BMPR1B: variants seen among roughly 807,000 people sequenced by gnomAD.
BMPR1B encodes the protein bone morphogenetic protein receptor type 1B.
In BMPR1B, 12 loss-of-function variants were observed where a neutral mutation model predicts 59.1. That is an observed-to-expected ratio of 0.20 (90% CI 0.13 to 0.33). The LOEUF (loss-of-function observed/expected upper bound fraction) is 0.33, where lower values mean the gene tolerates loss of function less well. BMPR1B is among the 10% of genes least tolerant of loss of function. BMPR1B has a pLI of 1.00. For missense variants in BMPR1B, 550 were observed against 610.9 expected (o/e 0.90, Z 1.05); for synonymous variants, 237 against 207.3 (o/e 1.14, Z -1.23).
At chr4:95,116,483 A>C (rs1356563242) in intron 6 of BMPR1B, among the ~76,000 whole-genome samples, 3 of 146,312 alleles carry the variant, frequency 2.1e-5, no homozygotes, top group African/African-American at 7.6e-5. Context: ...GTTGTTGCAG[A>C]GTTTTAAGTC....
intron 8 of BMPR1B, among the ~76,000 whole-genome samples, chr4:95,128,058 A>G (rs1051532328): frequency 2.0e-5 from 3 of 151,776 alleles, no homozygotes; most frequent in Non-Finnish European, 2.9e-5. Flanking sequence ...GCTAATTTTC[A>G]TATTATTTGT....
chr4:95,044,346 G>T (rs1365316841), intron 3 of BMPR1B, among the ~76,000 whole-genome samples: 1 of 152,286 alleles, frequency 6.6e-6, no homozygotes, highest in East Asian at 1.9e-4. Context: ...AGAAAAGTTT[G>T]GCAGGCTCCA....
In BMPR1B at chr4:95,020,784, C is replaced by T. The variant is rs1318385458; in HGVS notation, c.-18+24650C>T. ...TCGTTACTCACTGCAGCCTCCAACT[C>T]CAGCCTTGAACTGCAGCCTGGGCTC... is the stretch of plus-strand genomic sequence containing the variant. On this transcript the variant is annotated intron_variant, in intron 3 of 12. Coordinates refer to ENST00000515059, the MANE Select transcript of BMPR1B (RefSeq NM_001203.3). Among the ~76,000 whole-genome samples the T allele has an allele frequency of 3.9e-5, 6 of 152,252 alleles. No homozygotes were observed. The South Asian group carries it at 1.2e-3, about 32-fold the overall frequency.
chr4:95,150,624 C>T (rs1279271651), intron 11 of BMPR1B, among the ~76,000 whole-genome samples: 1 of 152,136 alleles, frequency 6.6e-6, no homozygotes, highest in Non-Finnish European at 1.5e-5. Context: ...ATTTGAAAGC[C>T]TGTGGGCCAA....
intron 5 of BMPR1B, 34 bp from the exon 6 acceptor site, chr4:95,115,650 GA>G: frequency 6.4e-7 from 1 of 1,553,702 alleles, no homozygotes; most frequent in Non-Finnish European, 8.9e-7. Context: ...AAATTTGGAA[GA>G]AACTCACTAA....
rs1361797444 is a variant in BMPR1B, at chr4:94,837,637, A to G, written c.-182-38194A>G. Among the ~76,000 whole-genome samples the G allele has an allele frequency of 8.2e-5, 11 of 134,572 alleles. No homozygotes were observed. The East Asian group carries it at 2.2e-3, about 27-fold the overall frequency. 88.3% of individuals were successfully genotyped at this position (134,572 alleles called of 152,430 possible). A position where few individuals can be genotyped will look rare whatever the true frequency, so the allele number is the denominator to read the frequency against. On this transcript the variant is annotated intron_variant, in intron 1 of 12. Transcript: ENST00000515059. ...TCCTGAGACTTTGCTGAAGTTGCTT[A>G]TCAGCTTAAGGAGATTTTGGGCTGA...
intron 2 of BMPR1B, among the ~76,000 whole-genome samples, chr4:94,939,811 T>C (rs775947699): frequency 1.3e-5 from 2 of 152,204 alleles, no homozygotes; most frequent in African/African-American, 4.8e-5. Flanking sequence ...AATGTCCTGT[T>C]TTTTATTTGA....
chr4:94,759,369 T>C (rs997369012), intron 1 of BMPR1B, among the ~76,000 whole-genome samples: 2 of 152,242 alleles, frequency 1.3e-5, no homozygotes, highest in African/African-American at 4.8e-5. Flanking sequence ...TCTTGAGTTC[T>C]GCAAAGAAAC....
chr4:94,864,791 A>G (rs903876633), intron 1 of BMPR1B, among the ~76,000 whole-genome samples: 3 of 152,182 alleles, frequency 2.0e-5, no homozygotes, highest in Admixed American at 1.3e-4. Flanking sequence ...AAGTCTGTAC[A>G]TGTTCAGCGC....
intron 2 of BMPR1B, among the ~76,000 whole-genome samples, chr4:94,962,063 TTTCTTTTCTTTCCTTCCTTCCTTCCTTCC>T (rs1408684428): frequency 4.4e-4 from 64 of 146,710 alleles, no homozygotes; most frequent in African/African-American, 1.5e-3. Flanking sequence ...CTTTCTTTTC[TTTCTTTTCTTTCCTTCCTTCCTTCCTTCC>T]TTCCTTCCTT....
rs1727321121 is a variant in BMPR1B, at chr4:95,061,065, T to A, written c.-17-43343T>A. 1.3e-5 allele frequency among the ~76,000 whole-genome samples: 2 copies of A among 151,922 alleles called. 1 individual carries two copies. Among genetic ancestry groups the A allele is most frequent in the South Asian group, 4.2e-4 (2 of 4,818 alleles). ...TTGTTATCATTAACTGGAAATGTAC[T>A]TTTTACCCTATCTTGCTTTGAAAAT... On this transcript the variant is annotated intron_variant, in intron 3 of 12. Coordinates refer to ENST00000515059, the MANE Select transcript of BMPR1B (RefSeq NM_001203.3).
chr4:94,787,567 A>G (rs184063174), intron 1 of BMPR1B, among the ~76,000 whole-genome samples: 2 of 152,310 alleles, frequency 1.3e-5, no homozygotes, highest in Admixed American at 6.5e-5. Flanking sequence ...GTCCTTTCAT[A>G]TATTTCCATA....
chr4:95,044,309 C>T (rs903006735), intron 3 of BMPR1B, among the ~76,000 whole-genome samples: 1 of 152,168 alleles, frequency 6.6e-6, no homozygotes, highest in Non-Finnish European at 1.5e-5. Flanking sequence ...GTCTTGGACT[C>T]CCCCTTCCTC....
chr4:95,025,729 A>G (rs1488282348), intron 3 of BMPR1B, among the ~76,000 whole-genome samples: 1 of 152,166 alleles, frequency 6.6e-6, no homozygotes, highest in Non-Finnish European at 1.5e-5. Flanking sequence ...CAGAAACATC[A>G]CCTTTATTAG....
At chr4:94,760,181 A>G (rs931551377) in intron 1 of BMPR1B, among the ~76,000 whole-genome samples, 12 of 152,174 alleles carry the variant, frequency 7.9e-5, no homozygotes, top group African/African-American at 2.4e-4. Flanking sequence ...TTAGTGAATC[A>G]TCACTATTTA....
At chr4:95,007,530 A>C (rs532818661) in intron 3 of BMPR1B, among the ~76,000 whole-genome samples, 1 of 152,280 alleles carries the variant, frequency 6.6e-6, no homozygotes, top group South Asian at 2.1e-4. Flanking sequence ...TTATCTGTTG[A>C]CTTTTTCATG....
intron 2 of BMPR1B, among the ~76,000 whole-genome samples, chr4:94,964,532 C>T (rs1730483062): frequency 6.6e-6 from 1 of 152,172 alleles, no homozygotes; most frequent in Non-Finnish European, 1.5e-5. Flanking sequence ...TGATTAATCA[C>T]TGATGAGGAC....
At chr4:95,096,427 T>C (rs562963871) in intron 3 of BMPR1B, among the ~76,000 whole-genome samples, 1 of 151,592 alleles carries the variant, frequency 6.6e-6, no homozygotes, top group Non-Finnish European at 1.5e-5. Flanking sequence ...GAAATTTGAT[T>C]GATTTGCCTG....
chr4:94,983,607 T>C (rs370213964), intron 2 of BMPR1B, among the ~76,000 whole-genome samples: 3 of 152,198 alleles, frequency 2.0e-5, no homozygotes, highest in Admixed American at 2.0e-4. Context: ...GCAGTGATAT[T>C]AAGCCTGTTA....
Sources: allele counts gnomAD v4.1 joint callset (sites outside exome capture counted in the v4.1 genomes callset), GRCh38; gene constraint gnomAD v4.1.1; transcripts MANE v1.5; gene names NCBI Gene and HGNC (gene_info 2026-07-23, HGNC 2026-07-21).